NOL4: variants seen among roughly 807,000 people sequenced by gnomAD.
The protein encoded by NOL4 is cancer/testis antigen 125.
In NOL4, 17 loss-of-function variants were observed where a neutral mutation model predicts 75.9. That is an observed-to-expected ratio of 0.22 (90% confidence interval 0.15 to 0.34). The LOEUF (loss-of-function observed/expected upper bound fraction) is 0.34. NOL4 is among the 10% of genes least tolerant of loss of function. The pLI is 1.00. For synonymous variants in NOL4, 292 were observed against 289.9 expected (o/e 1.01, Z -0.07); for missense variants, 614 against 793.5 (o/e 0.77, Z 2.72).
rs1467485726 is a variant in NOL4, at chr18:33,873,606, T to C, written c.1723+9638A>G. 7.9e-5 allele frequency among the ~76,000 whole-genome samples: 12 copies of C among 152,150 alleles called. No homozygotes were observed. The South Asian group carries it at 2.3e-3, about 29-fold the overall frequency. ...AGAAGACATCCTTAACTTCAAGTGA[T>C]TATCTCCATGGTCAACTGGATTTAG... On this transcript the variant is annotated intron_variant, in intron 10 of 10. Transcript: ENST00000261592.
At chr18:34,099,361 T>TAAAAAAAAAAAAAAAA (rs1307217942) in intron 4 of NOL4, among the ~76,000 whole-genome samples, 1 of 36,782 alleles carries the variant, frequency 2.7e-5, no homozygotes. Flanking sequence ...AGACTTTGTC[T>TAAAAAAAAAAAAAAAA]CAAAAAAAAA....
At chr18:34,104,011 T>G in intron 4 of NOL4, 36 bp downstream of exon 4, 1 of 1,403,012 alleles carries the variant, frequency 7.1e-7, no homozygotes, top group Non-Finnish European at 1.0e-6. Context: ...TCGTTCCAAT[T>G]TGTAAGTAAT....
At chr18:34,137,883 A>G (rs2080965764) in intron 1 of NOL4, among the ~76,000 whole-genome samples, 1 of 152,122 alleles carries the variant, frequency 6.6e-6, no homozygotes, top group Admixed American at 6.6e-5. Context: ...TAATAGTAGC[A>G]TATGTGTAAT....
chr18:33,881,849 A>G (rs1279602850), intron 10 of NOL4, among the ~76,000 whole-genome samples: 1 of 152,188 alleles, frequency 6.6e-6, no homozygotes, highest in East Asian at 1.9e-4. Context: ...ACTGGTACCA[A>G]AACAGAGATA....
intron 5 of NOL4, among the ~76,000 whole-genome samples, chr18:34,036,857 G>A (rs982867184): frequency 3.3e-5 from 5 of 152,132 alleles, no homozygotes; most frequent in South Asian, 2.1e-4. Context: ...GCTTGAACCC[G>A]AGAGGTGGAG....
In NOL4 at chr18:33,919,971, G is replaced by A. The variant is rs534032613; in HGVS notation, c.1542+23094C>T. On this transcript the variant is annotated intron_variant, in intron 9 of 10. Transcript: ENST00000261592. ...TAACAATAACAACATAATAGACTAC[G>A]TATATTTTCTACATTCATGAAAGAG... 2.3e-4 allele frequency among the ~76,000 whole-genome samples: 35 copies of A among 152,178 alleles called. No homozygotes were observed. In the South Asian group the frequency reaches 4.2e-3, roughly 18 times the overall value.
intron 6 of NOL4, among the ~76,000 whole-genome samples, chr18:34,011,511 T>A (rs1490031267): frequency 6.6e-6 from 1 of 151,758 alleles, no homozygotes; most frequent in Non-Finnish European, 1.5e-5. Flanking sequence ...ATATAGTTCT[T>A]TCTCTTAGAG....
chr18:34,033,581 T>C (rs1345899044), intron 5 of NOL4, among the ~76,000 whole-genome samples: 1 of 152,106 alleles, frequency 6.6e-6, no homozygotes, highest in Non-Finnish European at 1.5e-5. Flanking sequence ...ATTAAAATTA[T>C]GGGAGTCCCA....
intron 6 of NOL4, among the ~76,000 whole-genome samples, chr18:33,983,627 T>C (rs911793527): frequency 2.6e-5 from 4 of 152,018 alleles, no homozygotes; most frequent in Admixed American, 2.0e-4. Context: ...CATATACACA[T>C]ATATGCACAC....
chr18:34,010,724 C>T (rs2074323377), intron 6 of NOL4, among the ~76,000 whole-genome samples: 1 of 151,758 alleles, frequency 6.6e-6, no homozygotes, highest in East Asian at 1.9e-4. Flanking sequence ...TCATTATTGC[C>T]TGTCTGTTGA....
At chr18:33,866,095 C>T (rs972156747) in intron 10 of NOL4, among the ~76,000 whole-genome samples, 3 of 152,108 alleles carry the variant, frequency 2.0e-5, no homozygotes, top group African/African-American at 4.8e-5. Context: ...TCTAGCAAAG[C>T]TAAGGATCAA....
At chr18:33,930,649 A>G (rs1185450090) in intron 9 of NOL4, among the ~76,000 whole-genome samples, 6 of 152,162 alleles carry the variant, frequency 3.9e-5, no homozygotes, top group Non-Finnish European at 2.9e-5. Flanking sequence ...AAGTATATTT[A>G]TAGGTTATTA....
intron 1 of NOL4, among the ~76,000 whole-genome samples, chr18:34,168,773 C>T (rs531411099): frequency 2.0e-4 from 31 of 151,398 alleles, no homozygotes; most frequent in South Asian, 6.2e-4. Flanking sequence ...CAAATTTAAA[C>T]GGAAACTTCT....
At chr18:34,118,103 T>C (rs1418269339) in intron 2 of NOL4, among the ~76,000 whole-genome samples, 1 of 152,202 alleles carries the variant, frequency 6.6e-6, no homozygotes, top group Admixed American at 6.5e-5. Flanking sequence ...CAATAATTAA[T>C]ATAATCACAC....
intron 5 of NOL4, among the ~76,000 whole-genome samples, chr18:34,030,041 T>C (rs1431603236): frequency 6.6e-6 from 1 of 152,222 alleles, no homozygotes; most frequent in African/African-American, 2.4e-5. Flanking sequence ...AATTCAGTGA[T>C]TCTGTGCTTC....
At chr18:34,160,179 T>C (rs2031241964) in intron 1 of NOL4, among the ~76,000 whole-genome samples, 2 of 152,296 alleles carry the variant, frequency 1.3e-5, no homozygotes, top group South Asian at 4.1e-4. Context: ...GAAACTCTAT[T>C]GTTCAGCTGT....
intron 5 of NOL4, among the ~76,000 whole-genome samples, chr18:34,027,241 T>C (rs1040130592): frequency 6.6e-6 from 1 of 152,114 alleles, no homozygotes; most frequent in Non-Finnish European, 1.5e-5. Flanking sequence ...GACGGTGGTT[T>C]GGAACAAGCT....
At chr18:33,905,330 C>G (rs1490581824) in intron 9 of NOL4, among the ~76,000 whole-genome samples, 1 of 152,038 alleles carries the variant, frequency 6.6e-6, no homozygotes, top group East Asian at 1.9e-4. Context: ...GTGAATGGGA[C>G]TGTTAGAGGT....
At chr18:34,089,860 T>G (rs1056233839) in intron 5 of NOL4, among the ~76,000 whole-genome samples, 1 of 152,144 alleles carries the variant, frequency 6.6e-6, no homozygotes, top group African/African-American at 2.4e-5. Flanking sequence ...GTGGCAACAC[T>G]GAGTTTGATA....
Sources: gnomAD v4.1 joint callset for allele counts (sites outside exome capture counted in the v4.1 genomes callset) on GRCh38, gnomAD v4.1.1 for gene constraint, MANE v1.5 for transcripts, NCBI Gene and HGNC (gene_info 2026-07-23, HGNC 2026-07-21) for gene names.